Variants in TEKT2 observed in about 807,000 individuals in gnomAD.
The protein encoded by TEKT2 is tektin 2.
TEKT2 carries 45 observed loss-of-function variants against 49.8 expected under a neutral mutation model. That is an observed-to-expected ratio of 0.90 (90% CI 0.71 to 1.16). The LOEUF is 1.16. Ranked by LOEUF, TEKT2 falls within the 50% of genes most tolerant of loss-of-function variation. The pLI is 0.00. For missense variants in TEKT2, 523 were observed against 551.4 expected (o/e 0.95, Z 0.52); for synonymous variants, 202 against 224.6 (o/e 0.90, Z 0.90).
chr1:36,087,018 G>A lies in TEKT2; in HGVS notation c.720G>A (p.Arg240=). The A allele has an allele frequency of 2.5e-6, 4 of 1,613,998 alleles. No homozygotes were observed. The highest frequency in any genetic ancestry group is 3.4e-6 in the Non-Finnish European group (4 of 1,180,026). ...EAEMKAATEL[R]EATALTIAET... ...AGATGAAGGCAGCCACAGAGCTGAG[G>A]GAGGCCACTGCTCTAACTATTGCTG... The change falls in exon 6 of 10, where the codon AGG becomes AGA. Residue 240 remains arginine (R), a synonymous_variant. Coordinates refer to ENST00000207457, the MANE Select transcript of TEKT2 (RefSeq NM_014466.3). This position sits in a 1 kb window ranked among gnomAD's most constrained non-coding sequence, Gnocchi z 4.9.
intron 4 of TEKT2, among the ~76,000 whole-genome samples, chr1:36,086,284 G>A (rs1006473850): frequency 1.3e-5 from 2 of 152,232 alleles, no homozygotes; most frequent in African/African-American, 4.8e-5. Context: ...AAGCATGAGA[G>A]GTGACACCCA....
chr1:36,085,284 C>G lies in TEKT2; in HGVS notation c.278C>G (p.Thr93Arg). The G allele has an allele frequency of 6.2e-7, 1 of 1,613,966 alleles. No individual in the cohort carries two copies. The highest frequency in any genetic ancestry group is 8.5e-7 in the Non-Finnish European group (1 of 1,180,028). The change falls in exon 3 of 10, where the codon ACA (threonine) becomes AGA (arginine). Residue 93 changes from threonine to arginine, a missense_variant. Coordinates refer to ENST00000207457, the MANE Select transcript of TEKT2 (RefSeq NM_014466.3). The part of the protein sequence containing the change: ...TDLDAEIDAL[T>R]QMKESAEQNL... Reference sequence around the variant, plus strand: ...TTAGATGCCGAGATCGATGCCCTGACACAGGCAGGGATCCAGGACTGGGTG... The same window carrying G: ...TTAGATGCCGAGATCGATGCCCTGAGACAGGCAGGGATCCAGGACTGGGTG...
In TEKT2 at chr1:36,085,002, T is replaced by C. The variant is rs778221016; in HGVS notation, c.81T>C (p.Asn27=). 5.6e-6 allele frequency: 9 copies of C among 1,614,008 alleles called. No individual in the cohort carries two copies. Among genetic ancestry groups the C allele is most frequent in the Non-Finnish European group, 7.6e-6 (9 of 1,180,032 alleles). Residue 27 remains asparagine (N), a synonymous_variant, in exon 2 of 10, where the codon AAT becomes AAC. Coordinates refer to ENST00000207457, the MANE Select transcript of TEKT2 (RefSeq NM_014466.3). ...WHTNSYLLST[N]AQLQRDASHQ... is the part of the protein sequence containing the mutation. ...CTAACAGCTACCTGCTATCCACCAA[T>C]GCCCAGCTGCAGCGAGATGCTTCCC... is the stretch of plus-strand genomic sequence containing the variant.
chr1:36,084,809 G>C lies in TEKT2; in HGVS notation c.-52-61G>C. On this transcript the variant is annotated intron_variant, in intron 1 of 9. Transcript: ENST00000207457. The surrounding 1 kb of genome is among the most constrained non-coding windows in gnomAD (Gnocchi z 4.1). ...ATGGACAGGAACAAGTCCTGCGCAG[G>C]GGGCGTGTGATCCAGGAGGTCTCCG... 1 of 1,501,962 alleles carries C rather than the reference G, an allele frequency of 6.7e-7. No homozygotes were observed. Among genetic ancestry groups the C allele is most frequent in the South Asian group, 1.1e-5 (1 of 87,734 alleles). The allele number at this position is 1,501,962 out of a possible 1,614,324, so 93.0% of individuals were successfully genotyped here. A position where few individuals can be genotyped will look rare whatever the true frequency, so the allele number is the denominator to read the frequency against.
At position 36,087,004 on chromosome 1, in the gene TEKT2, GC is replaced by G. The variant is rs1643388541; in HGVS notation, c.708del (p.Thr237GlnfsTer3). 6.2e-7 allele frequency: 1 copy of G among 1,614,046 alleles called. No homozygotes were observed. The highest frequency in any genetic ancestry group is 1.3e-5 in the African/African-American group (1 of 75,072). Reference sequence around the variant, plus strand: ...CCGAGCGGAGGCTGAGATGAAGGCAGCCACAGAGCTGAGGGAGGCCACTGCT... The same window carrying G: ...CCGAGCGGAGGCTGAGATGAAGGCAGCACAGAGCTGAGGGAGGCCACTGCT... Reference protein sequence around the residue: ...KDRAEAEMKAATELREATALT... With the variant: ...KDRAEAEMKAXTELREATALT... On this transcript the variant is annotated frameshift_variant, in exon 6 of 10. Coordinates refer to ENST00000207457, the MANE Select transcript of TEKT2 (RefSeq NM_014466.3). LOFTEE classifies it high-confidence loss of function. The surrounding 1 kb of genome is among the most constrained non-coding windows in gnomAD (Gnocchi z 4.9).
Position 36,086,789 on chromosome 1 carries a change from C to T in TEKT2, c.574C>T (p.Leu192Phe). 1 of 1,614,194 alleles carries T rather than the reference C, an allele frequency of 6.2e-7. No individual in the cohort carries two copies. Among genetic ancestry groups the T allele is most frequent in the Non-Finnish European group, 8.5e-7 (1 of 1,180,030 alleles). The change falls in exon 5 of 10, where the codon CTC (leucine) becomes TTC (phenylalanine). Residue 192 changes from leucine to phenylalanine, a missense_variant. Transcript: ENST00000207457. ...TLEIDRGCLS[L>F]NLRSPNISLK... ...AGAGATCGACAGAGGCTGTCTCTCT[C>T]TCAACCTCAGATCCCCAAACATCTC... is the stretch of plus-strand genomic sequence containing the variant.
chr1:36,084,591 G>C lies in TEKT2; in HGVS notation c.-52-279G>C, dbSNP rs575782076. On this transcript the variant is annotated intron_variant, in intron 1 of 9. Coordinates refer to ENST00000207457, the MANE Select transcript of TEKT2 (RefSeq NM_014466.3). The surrounding 1 kb of genome is among the most constrained non-coding windows in gnomAD (Gnocchi z 4.1). ...CATCCGCCTACCCCCCAGGCATTTG[G>C]CACTTCACACACACTTCGAGGCTTC... The C allele has an allele frequency of 1.8e-4, 81 of 444,748 alleles. No homozygotes were observed. The highest frequency in any genetic ancestry group is 2.9e-4 in the Admixed American group (8 of 27,638). 27.6% of individuals were successfully genotyped at this position (444,748 alleles called of 1,614,324 possible).
In TEKT2 at chr1:36,084,777, G is replaced by A; in HGVS notation, c.-52-93G>A. 1.6e-6 allele frequency: 2 copies of A among 1,274,460 alleles called. No individual in the cohort carries two copies. Among genetic ancestry groups the A allele is most frequent in the Middle Eastern group, 2.6e-4 (1 of 3,782 alleles). 78.9% of individuals were successfully genotyped at this position (1,274,460 alleles called of 1,614,324 possible). A position where few individuals can be genotyped will look rare whatever the true frequency, so the allele number is the denominator to read the frequency against. The stretch of plus-strand genomic sequence containing the variant: ...CAGGCTTCCAGCAGGACAGGGCTCA[G>A]AGCAAAATGGACAGGAACAAGTCCT... On this transcript the variant is annotated intron_variant, in intron 1 of 9. Transcript: ENST00000207457. This position sits in a 1 kb window ranked among gnomAD's most constrained non-coding sequence, Gnocchi z 4.1.
In TEKT2 at chr1:36,087,602, G is replaced by A; in HGVS notation, c.999+20G>A. ...GACCAGGTGAGAGGGTGTCCCAGTG[G>A]CGCACGGGCCCCCTAGCCAAGGTTT... On this transcript the variant is annotated intron_variant, in intron 8 of 9. Transcript: ENST00000207457. This position sits in a 1 kb window ranked among gnomAD's most constrained non-coding sequence, Gnocchi z 4.9. 6.2e-7 allele frequency: 1 copy of A among 1,613,652 alleles called. No individual in the cohort carries two copies. Among genetic ancestry groups the A allele is most frequent in the Non-Finnish European group, 8.5e-7 (1 of 1,180,004 alleles).
In TEKT2 at chr1:36,087,596, C is replaced by G. The variant is rs1643403601; in HGVS notation, c.999+14C>G. 6.2e-7 allele frequency: 1 copy of G among 1,613,552 alleles called. No homozygotes were observed. The highest frequency in any genetic ancestry group is 1.7e-5 in the Admixed American group (1 of 59,994). ...TGCCGGGACCAGGTGAGAGGGTGTC[C>G]CAGTGGCGCACGGGCCCCCTAGCCA... On this transcript the variant is annotated intron_variant, in intron 8 of 9. Transcript: ENST00000207457. This position sits in a 1 kb window ranked among gnomAD's most constrained non-coding sequence, Gnocchi z 4.9.
rs768435167 is a variant in TEKT2, at chr1:36,084,966, C to T, written c.45C>T (p.Pro15=). Residue 15 remains proline (P), a synonymous_variant, in exon 2 of 10, where the codon CCC becomes CCT. Transcript: ENST00000207457. This position sits in a 1 kb window ranked among gnomAD's most constrained non-coding sequence, Gnocchi z 4.1. The part of the protein sequence containing the change: ...SVKPSRRFQL[P]DWHTNSYLLS... ...AGCCAAGTCGGCGCTTCCAGCTGCC[C>T]GACTGGCACACTAACAGCTACCTGC... The T allele has an allele frequency of 8.7e-6, 14 of 1,613,932 alleles. No individual in the cohort carries two copies. The highest frequency in any genetic ancestry group is 2.2e-5 in the East Asian group (1 of 44,896).
Position 36,084,832 on chromosome 1 carries a change from C to T in TEKT2, c.-52-38C>T. ...AGGGGGCGTGTGATCCAGGAGGTCT[C>T]CGGAAAGGTCTCCCGCAGCAGTGTT... is the stretch of plus-strand genomic sequence containing the variant. On this transcript the variant is annotated intron_variant, in intron 1 of 9. Coordinates refer to ENST00000207457, the MANE Select transcript of TEKT2 (RefSeq NM_014466.3). The surrounding 1 kb of genome is among the most constrained non-coding windows in gnomAD (Gnocchi z 4.1). 1.9e-6 allele frequency: 3 copies of T among 1,596,444 alleles called. No individual in the cohort carries two copies. Among genetic ancestry groups the T allele is most frequent in the East Asian group, 2.2e-5 (1 of 44,798 alleles).
At chr1:36,086,553 G>C in intron 4 of TEKT2, 151 bp from the exon 5 acceptor site, 1 of 1,037,328 alleles carries the variant, frequency 9.6e-7, no homozygotes, top group Non-Finnish European at 1.5e-6. Flanking sequence ...TCATCCAGCT[G>C]TGCTGCTCTT....
Position 36,087,820 on chromosome 1 carries a change from AG to A in TEKT2, c.1079+14del. ...TGGCGCAAGCACAGTAGGTCTCGGG[AG>A]TGGGCGGAAGGAGCAGTGAGACGCT... is the stretch of plus-strand genomic sequence containing the variant. On this transcript the variant is annotated intron_variant, in intron 9 of 9. Coordinates refer to ENST00000207457, the MANE Select transcript of TEKT2 (RefSeq NM_014466.3). This position sits in a 1 kb window ranked among gnomAD's most constrained non-coding sequence, Gnocchi z 4.9. 1 of 1,613,300 alleles carries A rather than the reference AG, an allele frequency of 6.2e-7. No homozygotes were observed. Among genetic ancestry groups the A allele is most frequent in the Non-Finnish European group, 8.5e-7 (1 of 1,179,842 alleles).
intron 3 of TEKT2, 24 bp downstream of exon 3, chr1:36,085,312 CG>C (rs779364583): frequency 1.6e-5 from 26 of 1,613,082 alleles, no homozygotes; most frequent in Non-Finnish European, 1.9e-5. Context: ...ACTGGGTGCC[CG>C]GGGGCTGCTG....
rs368067181 is a variant in TEKT2 at position 36,086,728 on chromosome 1, G to C, written c.513G>C (p.Gln171His). 6.2e-7 allele frequency: 1 copy of C among 1,614,088 alleles called. No homozygotes were observed. The highest frequency in any genetic ancestry group is 1.3e-5 in the African/African-American group (1 of 75,036). The change falls in exon 5 of 10, where the codon CAG becomes CAC. Residue 171 changes from glutamine to histidine, a missense_variant. Physicochemically the swap from Gln to His is conservative, Grantham distance 24 (BLOSUM62 0). Coordinates refer to ENST00000207457, the MANE Select transcript of TEKT2 (RefSeq NM_014466.3). Reference sequence around the variant, plus strand: ...GCCTCTTGCAGGAAGTCCAACAGCAGCTCAACTCCGACCATCGGGGCAAAA... The same window carrying C: ...GCCTCTTGCAGGAAGTCCAACAGCACCTCAACTCCGACCATCGGGGCAAAA... ...QLCLLQEVQQ[Q>H]LNSDHRGKME...
chr1:36,087,687 C>T lies in TEKT2; in HGVS notation c.1000-41C>T. On this transcript the variant is annotated intron_variant, in intron 8 of 9. Transcript: ENST00000207457. The surrounding 1 kb of genome is among the most constrained non-coding windows in gnomAD (Gnocchi z 4.9). Reference sequence around the variant, plus strand: ...CAAGGGGCAGCACTCAGGTAAAGGACAGTGTGGCTGACTTGGAACTCCCAA... The same window carrying T: ...CAAGGGGCAGCACTCAGGTAAAGGATAGTGTGGCTGACTTGGAACTCCCAA... The T allele has an allele frequency of 6.2e-7, 1 of 1,612,746 alleles. No individual in the cohort carries two copies. The highest frequency in any genetic ancestry group is 1.1e-5 in the South Asian group (1 of 90,874).
In TEKT2 at chr1:36,084,343, AG is replaced by A. The variant is rs937243303; in HGVS notation, c.-53+197del. 6 of 158,600 alleles carry A rather than the reference AG, an allele frequency of 3.8e-5. No homozygotes were observed. Among genetic ancestry groups the A allele is most frequent in the Non-Finnish European group, 1.4e-5 (1 of 72,526 alleles). 9.8% of individuals were successfully genotyped at this position (158,600 alleles called of 1,614,324 possible). ...CAGTAGGCGAGGGCGGAGGGGCGGG[AG>A]GGCGTGGCGGCTACCAGACGGGGAG... On this transcript the variant is annotated intron_variant, in intron 1 of 9. Coordinates refer to ENST00000207457, the MANE Select transcript of TEKT2 (RefSeq NM_014466.3). This position sits in a 1 kb window ranked among gnomAD's most constrained non-coding sequence, Gnocchi z 4.1.
rs372535680 is a variant in TEKT2 at position 36,085,998 on chromosome 1, A to G, written c.445A>G (p.Lys149Glu). 10 of 1,604,748 alleles carry G rather than the reference A, an allele frequency of 6.2e-6. No individual in the cohort carries two copies. Among genetic ancestry groups the G allele is most frequent in the South Asian group, 1.1e-5 (1 of 89,604 alleles). Residue 149 changes from lysine (K) to glutamate (E), a missense_variant, in exon 4 of 10, where the codon AAG becomes GAG. By Grantham distance (56) the Lys-to-Glu change is moderately conservative (BLOSUM62 1). Transcript: ENST00000207457. ...KEVEVIEATKKALQQKVSQAF... is the reference protein window; with the variant it reads ...KEVEVIEATKEALQQKVSQAF... ...GGTGGAGGTCATCGAGGCCACCAAG[A>G]AGGCCTTGCAACAGAAGGTCAGCCA...
Sources: gnomAD v4.1 joint callset for allele counts (sites outside exome capture counted in the v4.1 genomes callset) on GRCh38, gnomAD v4.1.1 for gene constraint, Gnocchi (gnomAD v3.1) non-coding constraint, MANE v1.5 for transcripts, NCBI Gene and HGNC (gene_info 2026-07-23, HGNC 2026-07-21) for gene names.